C11orf65: variants seen among roughly 807,000 people sequenced by gnomAD.
The protein encoded by C11orf65 is protein MFI.
Under a neutral mutation model 35.3 loss-of-function variants are expected in C11orf65, and 38 were observed. The observed-to-expected ratio is 1.08, with a 90% CI of 0.83 to 1.41. The LOEUF (loss-of-function observed/expected upper bound fraction) is 1.41, where lower values mean the gene tolerates loss of function less well. Among genes scored for constraint, C11orf65 ranks in the 40% most tolerant of loss-of-function variants. The probability of loss-of-function intolerance (pLI) is 0.00; values close to 1 mark genes in which losing one functional copy is unlikely to be tolerated. For missense variants in C11orf65, 370 were observed against 367.1 expected, an observed-to-expected ratio of 1.01 and a Z score of -0.06; for synonymous variants, 105 against 114.4, an observed-to-expected ratio of 0.92 and a Z score of 0.53.
intron 2 of C11orf65, among the ~76,000 whole-genome samples, chr11:108,356,941 G>C (rs541931001): frequency 3.3e-4 from 50 of 152,200 alleles, no homozygotes; most frequent in Non-Finnish European, 6.2e-4. Context: ...GGGAGGAGGA[G>C]CCAAGATGGC....
chr11:108,343,421 A>G (rs749605198), intron 2 of C11orf65: 1 of 1,602,826 alleles, frequency 6.2e-7, no homozygotes, highest in Non-Finnish European at 8.5e-7. Context: ...TTAATGGCTT[A>G]TTAAAGCTGA....
At chr11:108,374,337 C>T (rs958078946) in intron 2 of C11orf65, among the ~76,000 whole-genome samples, 2 of 151,536 alleles carry the variant, frequency 1.3e-5, no homozygotes, top group African/African-American at 2.4e-5. Flanking sequence ...CATGAAAATC[C>T]GTGGTTCTGC....
intron 4 of C11orf65, 27 bp downstream of exon 4, chr11:108,407,069 A>G (rs1174620377): frequency 1.3e-6 from 2 of 1,597,956 alleles, no homozygotes; most frequent in Non-Finnish European, 1.7e-6. Flanking sequence ...CTTTATAACT[A>G]CTAAATAAGC....
intron 2 of C11orf65, among the ~76,000 whole-genome samples, chr11:108,452,827 AG>A (rs1291106168): frequency 6.6e-6 from 1 of 152,142 alleles, no homozygotes; most frequent in Non-Finnish European, 1.5e-5. Context: ...GCCATATAAA[AG>A]GATGAGTTCA....
At position 108,359,104 on chromosome 11, in the gene C11orf65, T is replaced by A. The variant is rs567198532; in HGVS notation, c.227-23812A>T. Among the ~76,000 whole-genome samples, 1,063 of 149,034 alleles carry A rather than the reference T, an allele frequency of 7.1e-3. 10 individuals carry two copies. The highest frequency in any genetic ancestry group is 0.024 in the African/African-American group (968 of 40,492). On this transcript the variant is annotated intron_variant, in intron 2 of 3. Coordinates refer to the C11orf65 transcript ENST00000524755. ...CAAAATAAAAGGATGGAGGAAGATC[T>A]ACCAAGCAAATGGAAAACAAAAAAA...
At chr11:108,335,287 G>A (rs967429396) in exon 3 of C11orf65, 2 of 1,512,894 alleles carry the variant, frequency 1.3e-6, no homozygotes, top group Non-Finnish European at 8.8e-7. Context: ...CATTTTTTTT[G>A]TGTCTCTGAA....
chr11:108,346,039 C>G (rs553937078), intron 2 of C11orf65: 1 of 953,746 alleles, frequency 1.0e-6, no homozygotes. Context: ...AGTAACCAAC[C>G]CATCTTCATT....
Position 108,405,533 on chromosome 11 carries a change from C to CACCAT in C11orf65, c.451_455dup (p.Val153TrpfsTer16), listed in dbSNP as rs1185520612. On this transcript the variant is annotated frameshift_variant, in exon 6 of 9. Transcript: ENST00000393084. LOFTEE classifies it high-confidence loss of function. ...ATTCACTTTCCTTTTTGTCTTCCAC[C>CACCAT]ACCATACCATCAGTAGATAGCCAAA... 6.2e-6 allele frequency: 10 copies of CACCAT among 1,613,204 alleles called. No individual in the cohort carries two copies. In the Admixed American group the frequency reaches 1.5e-4, roughly 24 times the overall value.
At chr11:108,438,929 G>A (rs12289561) in intron 2 of C11orf65, among the ~76,000 whole-genome samples, 5 of 151,656 alleles carry the variant, frequency 3.3e-5, no homozygotes, top group Admixed American at 6.6e-5. Context: ...TCATTTGAAC[G>A]CAGGAGGCAG....
At chr11:108,439,905 T>G (rs888644256) in intron 2 of C11orf65, among the ~76,000 whole-genome samples, 1 of 152,192 alleles carries the variant, frequency 6.6e-6, no homozygotes, top group African/African-American at 2.4e-5. Context: ...CACAACATTA[T>G]GAATATACTT....
At chr11:108,394,456 CTT>C (rs2138444703) in intron 6 of C11orf65, among the ~76,000 whole-genome samples, 1 of 152,228 alleles carries the variant, frequency 6.6e-6, no homozygotes, top group South Asian at 2.1e-4. Flanking sequence ...GCAGTAAATA[CTT>C]ATGAGAGCCA....
chr11:108,425,784 A>T lies in C11orf65; in HGVS notation c.174+5962T>A, dbSNP rs186503185. Among the ~76,000 whole-genome samples, 501 of 152,330 alleles carry T rather than the reference A, an allele frequency of 3.3e-3. 3 individuals are homozygous for T. Among genetic ancestry groups the T allele is most frequent in the African/African-American group, 0.012 (488 of 41,572 alleles). On this transcript the variant is annotated intron_variant, in intron 3 of 8. Coordinates refer to ENST00000393084, the MANE Select transcript of C11orf65 (RefSeq NM_152587.5). ...GCAAACCGAATCTAGCAGCACATCA[A>T]AAAGCGTATCCACCACGATCAAGTC...
At chr11:108,421,887 T>C (rs1476805560) in intron 3 of C11orf65, among the ~76,000 whole-genome samples, 1 of 152,188 alleles carries the variant, frequency 6.6e-6, no homozygotes, top group East Asian at 1.9e-4. Flanking sequence ...CTGGTTGCTC[T>C]AAGTTTTTAA....
At chr11:108,453,365 A>G (rs1486704341) in intron 2 of C11orf65, among the ~76,000 whole-genome samples, 1 of 152,054 alleles carries the variant, frequency 6.6e-6, no homozygotes, top group African/African-American at 2.4e-5. Flanking sequence ...TAAGTAGAAA[A>G]CAAACAGCAA....
chr11:108,379,993 C>T (rs1210026947), downstream of C11orf65, among the ~76,000 whole-genome samples: 6 of 152,132 alleles, frequency 3.9e-5, no homozygotes, highest in East Asian at 1.9e-4. Flanking sequence ...GAATTATCTC[C>T]AGCAGATTTG....
intron 3 of C11orf65, among the ~76,000 whole-genome samples, chr11:108,429,186 G>T (rs913663200): frequency 1.3e-5 from 2 of 151,866 alleles, no homozygotes; most frequent in African/African-American, 2.4e-5. Context: ...AAATTAAAAA[G>T]GCACCAACCA....
Position 108,331,469 on chromosome 11 carries a change from A to G in C11orf65, c.*81T>C, listed in dbSNP as rs1555123994. 2 of 1,613,494 alleles carry G rather than the reference A, an allele frequency of 1.2e-6. No homozygotes were observed. The highest frequency in any genetic ancestry group is 1.7e-6 in the Non-Finnish European group (2 of 1,179,734). ...AGAGACGGAATGAAGATTCCAACAT[A>G]TAAATTTTTGCCTCTTATGTACCAA... On this transcript the variant is annotated 3_prime_UTR_variant, in exon 4 of 4. Coordinates refer to the C11orf65 transcript ENST00000524755.
rs587782451 is a variant in C11orf65, at chr11:108,347,318, A to C, written c.227-12026T>G. The C allele has an allele frequency of 6.2e-7, 1 of 1,611,678 alleles. No individual in the cohort carries two copies. The highest frequency in any genetic ancestry group is 8.5e-7 in the Non-Finnish European group (1 of 1,178,112). On this transcript the variant is annotated intron_variant, in intron 2 of 3. Coordinates refer to the C11orf65 transcript ENST00000524755. The stretch of plus-strand genomic sequence containing the variant: ...GGACTTGGTGATAGACATGTACAGA[A>C]TATCTTGATAAATGAGCAGTCAGCA...
intron 2 of C11orf65, among the ~76,000 whole-genome samples, chr11:108,341,670 T>A (rs528779857): frequency 6.6e-6 from 1 of 152,256 alleles, no homozygotes; most frequent in African/African-American, 2.4e-5. Context: ...AATATAATAA[T>A]GTTAATTAGA....
Sources: allele counts gnomAD v4.1 joint callset (sites outside exome capture counted in the v4.1 genomes callset), GRCh38; gene constraint gnomAD v4.1.1; transcripts MANE v1.5; gene names NCBI Gene and HGNC (gene_info 2026-07-23, HGNC 2026-07-21).